CDH13: variants seen among roughly 807,000 people sequenced by gnomAD.
CDH13 encodes cadherin 13.
In CDH13, 24 loss-of-function variants were observed where a neutral mutation model predicts 63.8. The ratio of observed to expected loss-of-function variants is 0.38; its 90% CI spans 0.27 to 0.53. The LOEUF (loss-of-function observed/expected upper bound fraction) is 0.53, where lower values mean the gene tolerates loss of function less well. Among genes scored for constraint, CDH13 ranks in the 20% least tolerant of loss-of-function variants. The pLI, the probability that CDH13 is intolerant of heterozygous loss-of-function variation, is 0.85. For synonymous variants in CDH13, 503 were observed against 355.3 expected (o/e 1.42, Z -4.67); for missense variants, 1,049 against 903.1 (o/e 1.16, Z -2.07).
chr16:83,223,047 G>A (rs1187794845), intron 5 of CDH13, among the ~76,000 whole-genome samples: 1 of 133,568 alleles, frequency 7.5e-6, no homozygotes, highest in Non-Finnish European at 1.6e-5. Flanking sequence ...TGCTGATATT[G>A]CCAGTTGTCC....
chr16:83,155,954 C>A (rs898657457), intron 4 of CDH13, among the ~76,000 whole-genome samples: 5 of 152,168 alleles, frequency 3.3e-5, no homozygotes, highest in Non-Finnish European at 7.3e-5. Flanking sequence ...TGGGGAGGAC[C>A]TGGTCATCAG....
intron 1 of CDH13, among the ~76,000 whole-genome samples, chr16:82,762,910 A>G (rs2034908162): frequency 6.6e-6 from 1 of 152,172 alleles, no homozygotes; most frequent in Admixed American, 6.5e-5. Context: ...TGGATTAATG[A>G]TGTTTTTTAG....
At chr16:83,432,380 A>C (rs1293047279) in intron 6 of CDH13, among the ~76,000 whole-genome samples, 1 of 152,144 alleles carries the variant, frequency 6.6e-6, no homozygotes, top group Non-Finnish European at 1.5e-5. Flanking sequence ...ATATACCCCT[A>C]TCACAGATGA....
At chr16:83,422,035 C>G (rs192192425) in intron 6 of CDH13, among the ~76,000 whole-genome samples, 383 of 152,218 alleles carry the variant, frequency 2.5e-3, no homozygotes, top group Non-Finnish European at 3.9e-3. Flanking sequence ...AAGTTAAGTT[C>G]TGACTTATTC....
At chr16:83,027,101 G>GC (rs1386342125) in intron 2 of CDH13, among the ~76,000 whole-genome samples, 3,801 of 117,872 alleles carry the variant, frequency 0.032, 93 homozygotes, top group Non-Finnish European at 0.047. Context: ...ACAGAAGGGA[G>GC]ACCCCCCCCC....
chr16:82,694,450 T>A (rs549264650), intron 1 of CDH13, among the ~76,000 whole-genome samples: 1 of 152,330 alleles, frequency 6.6e-6, no homozygotes, highest in East Asian at 1.9e-4. Flanking sequence ...GGTAATTGCC[T>A]TTTTAGCTGA....
At chr16:83,673,504 C>T (rs761420900) in intron 9 of CDH13, among the ~76,000 whole-genome samples, 13 of 152,126 alleles carry the variant, frequency 8.5e-5, no homozygotes, top group Admixed American at 3.9e-4. Context: ...TAAATTAAGA[C>T]ATCTCGATGG....
intron 4 of CDH13, among the ~76,000 whole-genome samples, chr16:83,168,677 C>A (rs991962379): frequency 3.9e-5 from 6 of 152,070 alleles, no homozygotes; most frequent in Non-Finnish European, 8.8e-5. Context: ...GCTTTTACTT[C>A]TATTTTTTTC....
chr16:83,426,731 C>A (rs2048785365), intron 6 of CDH13, among the ~76,000 whole-genome samples: 1 of 151,886 alleles, frequency 6.6e-6, no homozygotes, highest in South Asian at 2.1e-4. Context: ...TCCTCATTCT[C>A]CCTAAGCCCT....
At chr16:82,907,327 C>T (rs1002650202) in intron 2 of CDH13, among the ~76,000 whole-genome samples, 20 of 152,192 alleles carry the variant, frequency 1.3e-4, no homozygotes, top group African/African-American at 4.3e-4. Context: ...ACTAGGCTCC[C>T]GGAAGACTTC....
chr16:83,228,158 A>T (rs532448401), intron 5 of CDH13, among the ~76,000 whole-genome samples: 118 of 152,256 alleles, frequency 7.8e-4, no homozygotes, highest in African/African-American at 2.7e-3. Flanking sequence ...GCTTTTCTCA[A>T]CCATGGATGC....
In CDH13 at chr16:83,127,675, C is replaced by T. The variant is rs1254320658; in HGVS notation, c.483+2174C>T. On this transcript the variant is annotated intron_variant, in intron 4 of 13. Coordinates refer to ENST00000567109, the MANE Select transcript of CDH13 (RefSeq NM_001257.5). Reference sequence around the variant, plus strand: ...CCAGGAGGTGGAGGTTGCAGTGAGCCGGGATCATGCCAGTGTACTCCAGCA... The same window carrying T: ...CCAGGAGGTGGAGGTTGCAGTGAGCTGGGATCATGCCAGTGTACTCCAGCA... Among the ~76,000 whole-genome samples the T allele has an allele frequency of 4.6e-5, 7 of 152,026 alleles. No individual in the cohort carries two copies. In the East Asian group the frequency reaches 1.2e-3, roughly 25 times the overall value.
intron 7 of CDH13, among the ~76,000 whole-genome samples, chr16:83,579,768 C>T (rs1433717475): frequency 2.0e-5 from 3 of 151,958 alleles, no homozygotes; most frequent in African/African-American, 7.3e-5. Context: ...CACAGGAAGC[C>T]AAATGTGCCA....
intron 2 of CDH13, among the ~76,000 whole-genome samples, chr16:82,949,638 C>A (rs1276210427): frequency 6.6e-6 from 1 of 152,084 alleles, no homozygotes; most frequent in African/African-American, 2.4e-5. Flanking sequence ...TTAAGAGCTT[C>A]TTTGTTTTCT....
intron 3 of CDH13, among the ~76,000 whole-genome samples, chr16:83,071,426 T>G (rs775200742): frequency 1.3e-5 from 2 of 152,174 alleles, no homozygotes; most frequent in Non-Finnish European, 2.9e-5. Flanking sequence ...CCTGTGCTCC[T>G]GACTACCATG....
At chr16:83,089,432 C>T (rs1407970291) in intron 3 of CDH13, among the ~76,000 whole-genome samples, 2 of 152,222 alleles carry the variant, frequency 1.3e-5, no homozygotes, top group African/African-American at 4.8e-5. Flanking sequence ...AACTTGCTGC[C>T]ATCAGAGAAC....
chr16:83,332,987 G>C (rs2090510498), intron 5 of CDH13, among the ~76,000 whole-genome samples: 1 of 152,144 alleles, frequency 6.6e-6, no homozygotes, highest in Non-Finnish European at 1.5e-5. Flanking sequence ...GATTTTCAAA[G>C]AACATTTGAT....
chr16:83,568,320 G>C (rs1166655658), intron 7 of CDH13, among the ~76,000 whole-genome samples: 5 of 152,148 alleles, frequency 3.3e-5, no homozygotes, highest in Admixed American at 3.3e-4. Flanking sequence ...GTGGTAACTA[G>C]AAAATTCCCT....
chr16:83,090,774 G>A (rs2033868382), intron 3 of CDH13, among the ~76,000 whole-genome samples: 1 of 151,608 alleles, frequency 6.6e-6, no homozygotes, highest in African/African-American at 2.4e-5. Flanking sequence ...AAGCAAACTT[G>A]GTTTATAGAC....
Sources: allele counts gnomAD v4.1 joint callset (sites outside exome capture counted in the v4.1 genomes callset), GRCh38; gene constraint gnomAD v4.1.1; transcripts MANE v1.5; gene names NCBI Gene and HGNC (gene_info 2026-07-23, HGNC 2026-07-21).